The following SNTG2 variants were observed in gnomAD, a reference collection of about 807,000 sequenced individuals.
The protein encoded by SNTG2 is syntrophin gamma 2.
In SNTG2, 74 loss-of-function variants were observed where a neutral mutation model predicts 70.9. The ratio of observed to expected loss-of-function variants is 1.04; its 90% confidence interval spans 0.86 to 1.27. The LOEUF is 1.27. Ranked by LOEUF, SNTG2 falls within the 50% of genes most tolerant of loss-of-function variation. SNTG2 has a pLI of 0.00. For missense variants in SNTG2, 717 were observed against 690.7 expected (o/e 1.04, Z -0.43); for synonymous variants, 278 against 273.8 (o/e 1.02, Z -0.15).
intron 1 of SNTG2, among the ~76,000 whole-genome samples, chr2:1,049,949 G>T (rs1191773487): frequency 2.0e-5 from 3 of 152,188 alleles, no homozygotes; most frequent in African/African-American, 7.2e-5. Flanking sequence ...CATTTGATGA[G>T]AAATCTATTC....
chr2:1,168,375 T>A (rs1670894468), intron 7 of SNTG2, among the ~76,000 whole-genome samples: 1 of 152,146 alleles, frequency 6.6e-6, no homozygotes, highest in South Asian at 2.1e-4. Context: ...CCACTAGGGC[T>A]TCAGGAGCTG....
rs565255199 is a variant in SNTG2, at chr2:1,308,068, G to A, written c.1285-426G>A. 6.6e-5 allele frequency among the ~76,000 whole-genome samples: 10 copies of A among 152,306 alleles called. No homozygotes were observed. The East Asian group carries it at 1.9e-3, about 29-fold the overall frequency. ...TTCAGAATTTTCTCAGGAAAGTGCC[G>A]CTTCCAGCTTCTGCCGGAACATGCT... On this transcript the variant is annotated intron_variant, in intron 14 of 16. Coordinates refer to ENST00000308624, the MANE Select transcript of SNTG2 (RefSeq NM_018968.4).
chr2:1,295,732 C>T (rs1041966116), intron 14 of SNTG2, among the ~76,000 whole-genome samples: 2 of 150,172 alleles, frequency 1.3e-5, no homozygotes, highest in African/African-American at 4.9e-5. Flanking sequence ...AGCAGGCAGA[C>T]GTCACCATCG....
chr2:1,096,114 A>C (rs961832505), intron 2 of SNTG2, among the ~76,000 whole-genome samples: 1 of 148,834 alleles, frequency 6.7e-6, no homozygotes, highest in Non-Finnish European at 1.5e-5. Flanking sequence ...TATGCCTCCC[A>C]CATGCAGGAG....
chr2:1,160,125 G>A (rs544169196), intron 6 of SNTG2: 7 of 152,360 alleles, frequency 4.6e-5, no homozygotes, highest in African/African-American at 1.7e-4. Flanking sequence ...TGTACATGGT[G>A]TATGAAAATT....
At chr2:1,167,986 C>G (rs1264155904) in intron 7 of SNTG2, among the ~76,000 whole-genome samples, 2 of 119,620 alleles carry the variant, frequency 1.7e-5, no homozygotes, top group Non-Finnish European at 1.7e-5. Context: ...CTGAAGCCTA[C>G]AGGCCGCCCA....
chr2:973,188 A>G (rs1400579050), intron 1 of SNTG2, among the ~76,000 whole-genome samples: 1 of 152,232 alleles, frequency 6.6e-6, no homozygotes, highest in African/African-American at 2.4e-5. Context: ...TCTGTCTGAC[A>G]TCACAGTTCT....
chr2:1,333,609 G>A (rs1659645633), intron 16 of SNTG2, among the ~76,000 whole-genome samples: 1 of 152,154 alleles, frequency 6.6e-6, no homozygotes, highest in African/African-American at 2.4e-5. Flanking sequence ...CAATGGAACA[G>A]AATAGAGAAC....
chr2:1,227,151 C>T (rs182663365), intron 9 of SNTG2, among the ~76,000 whole-genome samples: 12 of 152,354 alleles, frequency 7.9e-5, no homozygotes, highest in East Asian at 7.7e-4. Context: ...AGAGGTTCTG[C>T]GGTGTTTTCT....
chr2:1,151,284 T>A (rs9798480), intron 6 of SNTG2, among the ~76,000 whole-genome samples: 5,738 of 29,732 alleles, frequency 0.19, 355 homozygotes, highest in African/African-American at 0.31. Context: ...CAAGGTGTGC[T>A]CAGGACCCTG....
intron 16 of SNTG2, among the ~76,000 whole-genome samples, chr2:1,334,968 C>T (rs1370683271): frequency 2.0e-5 from 3 of 152,162 alleles, no homozygotes; most frequent in Non-Finnish European, 2.9e-5. Context: ...TCAAAACGTG[C>T]ATGGACAAAG....
intron 16 of SNTG2, among the ~76,000 whole-genome samples, chr2:1,358,845 A>G (rs4927648): frequency 2.6e-5 from 4 of 151,950 alleles, no homozygotes; most frequent in Non-Finnish European, 5.9e-5. Flanking sequence ...AATGTTCTGT[A>G]TACCTGTTCA....
Position 1,173,107 on chromosome 2 carries a change from C to T in SNTG2, c.515C>T (p.Ser172Phe). 2 of 1,613,956 alleles carry T rather than the reference C, an allele frequency of 1.2e-6. No individual in the cohort carries two copies. Among genetic ancestry groups the T allele is most frequent in the Non-Finnish European group, 1.7e-6 (2 of 1,179,868 alleles). ...LKLPLGSPGP[S>F]SDHSSGASSP... ...TTTGCTGCAGGGTCCCCAGGGCCAT[C>T]CAGCGACCACAGCAGTGGGGCCTCC... The change falls in exon 8 of 17, where the codon TCC becomes TTC. Residue 172 changes from serine (S) to phenylalanine (F), a missense_variant. Transcript: ENST00000308624.
intron 9 of SNTG2, among the ~76,000 whole-genome samples, chr2:1,212,831 G>A (rs1043521587): frequency 1.3e-5 from 2 of 152,140 alleles, no homozygotes; most frequent in Non-Finnish European, 2.9e-5. Flanking sequence ...AAATTCCTGT[G>A]TATCTTCTCC....
intron 16 of SNTG2, among the ~76,000 whole-genome samples, chr2:1,323,573 A>T (rs948451247): frequency 7.2e-6 from 1 of 138,016 alleles, no homozygotes; most frequent in African/African-American, 2.8e-5. Flanking sequence ...CTGGGACAAG[A>T]CTAACAGTCA....
intron 2 of SNTG2, among the ~76,000 whole-genome samples, chr2:1,093,946 A>G (rs1346826360): frequency 3.3e-5 from 2 of 61,424 alleles, no homozygotes; most frequent in Non-Finnish European, 6.6e-5. Flanking sequence ...GTGTCCTCAT[A>G]TGGTAGAGTT....
chr2:1,180,443 T>C (rs1362545326), intron 8 of SNTG2, among the ~76,000 whole-genome samples: 2 of 130,204 alleles, frequency 1.5e-5, no homozygotes, highest in African/African-American at 2.7e-5. Flanking sequence ...AAGACATTTA[T>C]GCAGCCAAAA....
At chr2:1,033,571 T>C (rs1010770215) in intron 1 of SNTG2, among the ~76,000 whole-genome samples, 7 of 151,798 alleles carry the variant, frequency 4.6e-5, no homozygotes, top group South Asian at 2.1e-4. Context: ...AGCGTTCAGA[T>C]ACTTTGCTTA....
chr2:1,061,714 T>G (rs1234370217), intron 1 of SNTG2, among the ~76,000 whole-genome samples: 1 of 152,208 alleles, frequency 6.6e-6, no homozygotes, highest in Admixed American at 6.5e-5. Flanking sequence ...GCCAGGCATC[T>G]CATGTCTTCT....
Sources: allele counts gnomAD v4.1 joint callset (sites outside exome capture counted in the v4.1 genomes callset), GRCh38; gene constraint gnomAD v4.1.1; transcripts MANE v1.5; gene names NCBI Gene and HGNC (gene_info 2026-07-23, HGNC 2026-07-21).